DLG2: variants seen among roughly 807,000 people sequenced by gnomAD.
DLG2 encodes the protein discs large MAGUK scaffold protein 2, also known as disks large homolog 2.
DLG2 carries 45 observed loss-of-function variants against 132.5 expected under a neutral mutation model. That is an observed-to-expected ratio of 0.34 (90% CI 0.27 to 0.44). DLG2 has a LOEUF of 0.44. DLG2 is among the 20% of genes least tolerant of loss of function. The probability of loss-of-function intolerance (pLI) is 1.00; values close to 1 mark genes in which losing one functional copy is unlikely to be tolerated. For synonymous variants in DLG2, 424 were observed against 419.6 expected (o/e 1.01, Z -0.13); for missense variants, 1,045 against 1,196.9 (o/e 0.87, Z 1.87).
chr11:85,226,189 A>G (rs2074964050), intron 4 of DLG2, among the ~76,000 whole-genome samples: 1 of 150,874 alleles, frequency 6.6e-6, no homozygotes, highest in South Asian at 2.1e-4. Context: ...ATATTCTAAT[A>G]TAATAATATA....
At chr11:85,067,658 A>C (rs1182307374) in intron 6 of DLG2, among the ~76,000 whole-genome samples, 1 of 151,914 alleles carries the variant, frequency 6.6e-6, no homozygotes, top group Non-Finnish European at 1.5e-5. Flanking sequence ...CCGACCAATC[A>C]AAAAAAGTCC....
chr11:84,304,477 G>C (rs375661571), intron 7 of DLG2, among the ~76,000 whole-genome samples: 1 of 152,160 alleles, frequency 6.6e-6, no homozygotes, highest in Non-Finnish European at 1.5e-5. Flanking sequence ...CATTCCATCA[G>C]GTGGGAAATG....
intron 26 of DLG2, among the ~76,000 whole-genome samples, chr11:83,463,557 G>C (rs2090451401): frequency 6.6e-6 from 1 of 152,246 alleles, no homozygotes; most frequent in Non-Finnish European, 1.5e-5. Context: ...GGGAGGCTGA[G>C]GCAGGTGGAT....
At chr11:83,976,396 T>G (rs1369037340) in intron 12 of DLG2, among the ~76,000 whole-genome samples, 1 of 151,846 alleles carries the variant, frequency 6.6e-6, no homozygotes, top group African/African-American at 2.4e-5. Context: ...ATATGCAGAG[T>G]GTGGTACAGC....
intron 4 of DLG2, among the ~76,000 whole-genome samples, chr11:85,230,796 T>C (rs2075258568): frequency 6.6e-6 from 1 of 151,956 alleles, no homozygotes; most frequent in Non-Finnish European, 1.5e-5. Flanking sequence ...GTGAGGCCTT[T>C]AGGTCATGAA....
chr11:85,366,518 A>G (rs1264979544), intron 3 of DLG2, among the ~76,000 whole-genome samples: 1 of 152,196 alleles, frequency 6.6e-6, no homozygotes, highest in Non-Finnish European at 1.5e-5. Flanking sequence ...TTTCTAACAA[A>G]TGGATATATC....
intron 9 of DLG2, among the ~76,000 whole-genome samples, chr11:84,141,228 C>T (rs1370722320): frequency 6.6e-6 from 1 of 151,926 alleles, no homozygotes; most frequent in Non-Finnish European, 1.5e-5. Context: ...TACCTACCTA[C>T]CTATCCATCC....
chr11:83,874,212 A>C (rs890732787), intron 16 of DLG2, among the ~76,000 whole-genome samples: 1 of 146,326 alleles, frequency 6.8e-6, no homozygotes, highest in African/African-American at 2.5e-5. Flanking sequence ...AAAGAAAGAC[A>C]GAAAAAAAGA....
At chr11:83,912,645 T>A (rs1305327986) in intron 15 of DLG2, among the ~76,000 whole-genome samples, 1 of 152,156 alleles carries the variant, frequency 6.6e-6, no homozygotes, top group East Asian at 1.9e-4. Context: ...AAAATATTTT[T>A]AACACCAAAA....
chr11:84,094,489 A>C (rs1399472331), intron 10 of DLG2, among the ~76,000 whole-genome samples: 1 of 152,186 alleles, frequency 6.6e-6, no homozygotes, highest in Non-Finnish European at 1.5e-5. Flanking sequence ...TGTCAAAAAT[A>C]TAATTTATGT....
intron 18 of DLG2, among the ~76,000 whole-genome samples, chr11:83,776,957 C>G (rs1387576793): frequency 5.3e-5 from 8 of 152,136 alleles, no homozygotes; most frequent in Admixed American, 1.3e-4. Context: ...AAGTTCTCTT[C>G]TTTTTCTTGA....
intron 21 of DLG2, among the ~76,000 whole-genome samples, chr11:83,494,497 A>G (rs2094041324): frequency 1.3e-5 from 2 of 151,748 alleles, no homozygotes; most frequent in African/African-American, 4.8e-5. Flanking sequence ...ACGTCCCACA[A>G]GATGAAGGAA....
intron 6 of DLG2, among the ~76,000 whole-genome samples, chr11:84,696,370 G>A (rs558867673): frequency 2.2e-3 from 334 of 151,586 alleles, no homozygotes; most frequent in Non-Finnish European, 4.2e-3. Flanking sequence ...TTGGGGCTTA[G>A]AGAAGTTGGG....
chr11:85,356,248 T>A (rs1444071919), intron 3 of DLG2, among the ~76,000 whole-genome samples: 1 of 152,208 alleles, frequency 6.6e-6, no homozygotes, highest in African/African-American at 2.4e-5. Context: ...CTTTTTTTAC[T>A]CCTGCTTATA....
Position 85,307,616 on chromosome 11 carries a change from C to T in DLG2, c.41-22251G>A, listed in dbSNP as rs185927536. On this transcript the variant is annotated intron_variant, in intron 3 of 27. Transcript: ENST00000376104. ...CAATTTCACAGGAATGTTGAATCAC[C>T]CCATAGTATAAAATAATTCCCAACA... is the stretch of plus-strand genomic sequence containing the variant. 2.7e-3 allele frequency among the ~76,000 whole-genome samples: 416 copies of T among 152,202 alleles called. 1 individual carries two copies. Among genetic ancestry groups the T allele is most frequent in the African/African-American group, 8.6e-3 (355 of 41,520 alleles).
chr11:85,236,307 A>C (rs2075583926), intron 4 of DLG2, among the ~76,000 whole-genome samples: 1 of 152,028 alleles, frequency 6.6e-6, no homozygotes, highest in South Asian at 2.1e-4. Flanking sequence ...GGGTAGCTTA[A>C]ACAACAGAAA....
At chr11:84,151,327 G>A (rs7113104) in intron 9 of DLG2, among the ~76,000 whole-genome samples, 2,359 of 151,948 alleles carry the variant, frequency 0.016, 58 homozygotes, top group African/African-American at 0.054. Context: ...AGATTTTCTA[G>A]CTTGTGTGTA....
chr11:83,685,447 G>C (rs932244929), intron 18 of DLG2, among the ~76,000 whole-genome samples: 4 of 152,124 alleles, frequency 2.6e-5, no homozygotes, highest in African/African-American at 9.7e-5. Flanking sequence ...GCATTTGGCA[G>C]AATCAATTAC....
chr11:84,210,377 G>A (rs1597478099), intron 8 of DLG2, among the ~76,000 whole-genome samples: 1 of 136,652 alleles, frequency 7.3e-6, no homozygotes, highest in East Asian at 2.2e-4. Context: ...CACACTCTGG[G>A]GACTGTGGTG....
Sources: gnomAD v4.1 joint callset for allele counts (sites outside exome capture counted in the v4.1 genomes callset) on GRCh38, gnomAD v4.1.1 for gene constraint, MANE v1.5 for transcripts, NCBI Gene and HGNC (gene_info 2026-07-23, HGNC 2026-07-21) for gene names.